Variants in RALB observed in about 807,000 individuals in gnomAD.
The protein encoded by RALB is ras-related protein Ral-B.
A neutral mutation model predicts 21.3 loss-of-function variants in RALB; 16 were observed. That is an observed-to-expected ratio of 0.75 (90% CI 0.51 to 1.14). RALB has a LOEUF of 1.14. RALB is among the 50% of genes most tolerant of loss of function. The pLI, the probability that RALB is intolerant of heterozygous loss-of-function variation, is 0.00. For synonymous variants in RALB, 93 were observed against 96.1 expected (o/e 0.97, Z 0.19); for missense variants, 161 against 256.2 (o/e 0.63, Z 2.54).
chr2:120,283,086 T>C (rs889343601), intron 2 of RALB, among the ~76,000 whole-genome samples: 1 of 151,938 alleles, frequency 6.6e-6, no homozygotes, highest in Non-Finnish European at 1.5e-5. Flanking sequence ...TCAGTGGTGC[T>C]CTTCTGGTGG....
At chr2:120,240,153 C>T in intron 1 of RALB, 2 of 1,289,616 alleles carry the variant, frequency 1.6e-6, no homozygotes, top group Non-Finnish European at 2.0e-6. Flanking sequence ...GTGTGGATTG[C>T]ACTTCGAAGC....
chr2:120,278,100 A>C (rs1384041260), intron 1 of RALB, among the ~76,000 whole-genome samples: 1 of 146,088 alleles, frequency 6.8e-6, no homozygotes, highest in Admixed American at 6.8e-5. Flanking sequence ...GGCATGTGTG[A>C]GTGTGTTAGT....
chr2:120,240,281 AT>A (rs1558941415), intron 1 of RALB, among the ~76,000 whole-genome samples: 2 of 142,748 alleles, frequency 1.4e-5, no homozygotes, highest in African/African-American at 5.9e-5. Flanking sequence ...CTACTTTTTT[AT>A]TTTTATTTTT....
chr2:120,258,487 C>A (rs190230386), intron 1 of RALB, among the ~76,000 whole-genome samples: 1 of 152,172 alleles, frequency 6.6e-6, no homozygotes, highest in Non-Finnish European at 1.5e-5. Context: ...ACGGAGGCCA[C>A]GGCCAGTGGA....
chr2:120,246,717 C>A (rs1349730900), intron 1 of RALB, among the ~76,000 whole-genome samples: 1 of 152,188 alleles, frequency 6.6e-6, no homozygotes, highest in African/African-American at 2.4e-5. Context: ...CTGTGGTTCC[C>A]CAGGGAAGGG....
intron 2 of RALB, among the ~76,000 whole-genome samples, chr2:120,279,992 C>T (rs112079925): frequency 1.4e-4 from 21 of 152,136 alleles, no homozygotes; most frequent in African/African-American, 4.3e-4. Context: ...TGGCGATTAT[C>T]GCTGGCTGCA....
At chr2:120,273,490 G>A (rs575167008) in intron 1 of RALB, among the ~76,000 whole-genome samples, 27 of 151,780 alleles carry the variant, frequency 1.8e-4, no homozygotes, top group African/African-American at 6.5e-4. Flanking sequence ...ATTATAGGAA[G>A]GAGGCCTATA....
At chr2:120,272,556 CT>C (rs1033157876) in intron 1 of RALB, among the ~76,000 whole-genome samples, 3 of 152,152 alleles carry the variant, frequency 2.0e-5, no homozygotes, top group African/African-American at 7.2e-5. Flanking sequence ...GTTGTTTCAA[CT>C]TTTCTTAGTG....
chr2:120,269,156 C>G (rs978548154), intron 1 of RALB, among the ~76,000 whole-genome samples: 9 of 152,146 alleles, frequency 5.9e-5, no homozygotes, highest in African/African-American at 2.2e-4. Flanking sequence ...TGCTGACTTA[C>G]AGAATGAACC....
intron 2 of RALB, among the ~76,000 whole-genome samples, chr2:120,283,534 C>CT: frequency 6.6e-6 from 1 of 152,330 alleles, no homozygotes; most frequent in Non-Finnish European, 1.5e-5. Flanking sequence ...TTATTCTTGT[C>CT]TAAGTTCTGA....
intron 2 of RALB, 55 bp downstream of exon 2, chr2:120,278,833 C>T: frequency 1.4e-6 from 2 of 1,404,998 alleles, no homozygotes; most frequent in South Asian, 1.6e-5. Context: ...TAGCAGTGTC[C>T]CTGCTCCCGC....
At chr2:120,272,691 A>AT (rs987438647) in intron 1 of RALB, among the ~76,000 whole-genome samples, 68 of 151,310 alleles carry the variant, frequency 4.5e-4, no homozygotes, top group South Asian at 2.1e-3. Flanking sequence ...AACTTAACTG[A>AT]TTTTTTTTTC....
rs1176447333 is a variant in RALB, at chr2:120,294,108, A to G, written c.*848A>G. ...CCTCTGGTTAGGCCCCTCCCTCTCC[A>G]CTAGTGGTGAATGCATGTGTCTGTC... On this transcript the variant is annotated 3_prime_UTR_variant, in exon 5 of 5. Coordinates refer to ENST00000272519, the MANE Select transcript of RALB (RefSeq NM_002881.3). 11 of 398,514 alleles carry G rather than the reference A, an allele frequency of 2.8e-5. No homozygotes were observed. In the East Asian group the frequency reaches 3.9e-4, roughly 14 times the overall value. The allele number at this position is 398,514 out of a possible 1,614,324, so 24.7% of individuals were successfully genotyped here. A position where few individuals can be genotyped will look rare whatever the true frequency, so the allele number is the denominator to read the frequency against.
intron 1 of RALB, 98 bp downstream of exon 1, chr2:120,253,078 G>T: frequency 1.2e-6 from 1 of 823,464 alleles, no homozygotes; most frequent in Non-Finnish European, 1.5e-6. Context: ...CTCCGTGCCG[G>T]GCTGTGGCCG....
intron 4 of RALB, among the ~76,000 whole-genome samples, chr2:120,291,012 G>A (rs1347527497): frequency 6.6e-6 from 1 of 152,150 alleles, no homozygotes; most frequent in African/African-American, 2.4e-5. Context: ...TCTCTTTCTT[G>A]TGCAGAAACA....
At chr2:120,272,014 T>C (rs1689677197) in intron 1 of RALB, among the ~76,000 whole-genome samples, 1 of 152,170 alleles carries the variant, frequency 6.6e-6, no homozygotes, top group African/African-American at 2.4e-5. Context: ...CAGGCTGCCA[T>C]AACAAAATAC....
At chr2:120,252,587 G>A (rs1051131750), upstream of RALB, among the ~76,000 whole-genome samples, 1 of 152,228 alleles carries the variant, frequency 6.6e-6, no homozygotes, top group Non-Finnish European at 1.5e-5. Context: ...ACTGCCGCAG[G>A]GTTACCAGCT....
intron 4 of RALB, 117 bp downstream of exon 4, chr2:120,289,874 CCTATGAATGT>C: frequency 1.1e-6 from 1 of 921,330 alleles, no homozygotes; most frequent in Non-Finnish European, 1.6e-6. Flanking sequence ...GATTCTGATT[CCTATGAATGT>C]CTAAGCCATT....
At chr2:120,282,927 C>T (rs559577186) in intron 2 of RALB, among the ~76,000 whole-genome samples, 2 of 151,984 alleles carry the variant, frequency 1.3e-5, no homozygotes, top group African/African-American at 4.8e-5. Flanking sequence ...CTATATTGGA[C>T]AGAATGGTTC....
Sources: allele counts gnomAD v4.1 joint callset (sites outside exome capture counted in the v4.1 genomes callset), GRCh38; gene constraint gnomAD v4.1.1; transcripts MANE v1.5; gene names NCBI Gene and HGNC (gene_info 2026-07-23, HGNC 2026-07-21).